PRKAB1: variants seen among roughly 807,000 people sequenced by gnomAD.
PRKAB1 encodes the protein 5'-AMP-activated protein kinase subunit beta-1.
PRKAB1 carries 18 observed loss-of-function variants against 32.0 expected under a neutral mutation model. That is an observed-to-expected ratio of 0.56 (90% confidence interval 0.39 to 0.83). The LOEUF (loss-of-function observed/expected upper bound fraction) is 0.83. Ranked by LOEUF, PRKAB1 falls within the 40% of genes least tolerant of loss-of-function variation. The pLI is 0.00. For synonymous variants in PRKAB1, 141 were observed against 141.4 expected, an observed-to-expected ratio of 1.00 and a Z score of 0.02; for missense variants, 263 against 352.6, an observed-to-expected ratio of 0.75 and a Z score of 2.03.
At chr12:119,667,984 G>A (rs541199406), upstream of PRKAB1, 41 of 477,514 alleles carry the variant, frequency 8.6e-5, no homozygotes, top group South Asian at 1.2e-3. Flanking sequence ...TGGTGAAGCG[G>A]TTGGGAAAGT....
In PRKAB1 at chr12:119,676,598, G is replaced by C; in HGVS notation, c.594G>C (p.Glu198Asp). ...HQEPYVCKPE[E>D]RFRAPPILPP... ...AGCCCTACGTCTGCAAACCCGAAGA[G>C]CGCTTTCGGGCACCCCCTATTCTCC... Residue 198 changes from glutamate to aspartate, a missense_variant, in exon 5 of 7, where the codon GAG becomes GAC. Glu to Asp is a conservative substitution (Grantham distance 45, BLOSUM62 2). Transcript: ENST00000229328. 6.2e-7 allele frequency: 1 copy of C among 1,613,800 alleles called. No homozygotes were observed. The highest frequency in any genetic ancestry group is 8.5e-7 in the Non-Finnish European group (1 of 1,179,720).
In PRKAB1 at chr12:119,672,435, CAACTGGAGTA is replaced by C; in HGVS notation, c.299_308del (p.Trp100PhefsTer11). 6.3e-7 allele frequency: 1 copy of C among 1,597,776 alleles called. No individual in the cohort carries two copies. The highest frequency in any genetic ancestry group is 8.5e-7 in the Non-Finnish European group (1 of 1,171,428). Reference sequence around the variant, plus strand: ...AAGTTTACTTATCTGGGTCCTTCAACAACTGGAGTAAACTTCCCCTCACCAGAAGGTAATT... The same window carrying C: ...AAGTTTACTTATCTGGGTCCTTCAACAACTTCCCCTCACCAGAAGGTAATT... On this transcript the variant is annotated frameshift_variant, in exon 2 of 7. Transcript: ENST00000229328. LOFTEE classifies it high-confidence loss of function.
chr12:119,674,261 GC>G lies in PRKAB1; in HGVS notation c.418-77del. ...GCTAGCCAGGAGATGAGGCCTTCCA[GC>G]CAGGAATTCCAAGTCCTCTGAAGAA... On this transcript the variant is annotated intron_variant, in intron 3 of 6. Coordinates refer to ENST00000229328, the MANE Select transcript of PRKAB1 (RefSeq NM_006253.5). This position sits in a 1 kb window ranked among gnomAD's most constrained non-coding sequence, Gnocchi z 4.3. The G allele has an allele frequency of 8.0e-7, 1 of 1,256,262 alleles. No homozygotes were observed. Among genetic ancestry groups the G allele is most frequent in the Non-Finnish European group, 1.1e-6 (1 of 876,624 alleles). 77.8% of individuals were successfully genotyped at this position (1,256,262 alleles called of 1,614,324 possible). A position where few individuals can be genotyped will look rare whatever the true frequency, so the allele number is the denominator to read the frequency against.
Position 119,680,018 on chromosome 12 carries a change from C to A in PRKAB1, c.735+17C>A. 6.2e-7 allele frequency: 1 copy of A among 1,607,216 alleles called. No individual in the cohort carries two copies. Among genetic ancestry groups the A allele is most frequent in the Non-Finnish European group, 8.5e-7 (1 of 1,173,728 alleles). On this transcript the variant is annotated intron_variant, in intron 6 of 6. Transcript: ENST00000229328. ...TCTATCAAGGTAATGACATGTCTGT[C>A]CCCATGAGAGCTGTGTTGCCCAGTG...
rs766287573 is a variant in PRKAB1 at position 119,674,466 on chromosome 12, G to A, written c.532+12G>A. On this transcript the variant is annotated intron_variant, in intron 4 of 6. Coordinates refer to ENST00000229328, the MANE Select transcript of PRKAB1 (RefSeq NM_006253.5). The surrounding 1 kb of genome is among the most constrained non-coding windows in gnomAD (Gnocchi z 4.3). Reference sequence around the variant, plus strand: ...CTCCGATGTGTCTGGTATGAACACAGTTATTTTATACCACATGCGTGCAGG... The same window carrying A: ...CTCCGATGTGTCTGGTATGAACACAATTATTTTATACCACATGCGTGCAGG... 2 of 1,567,500 alleles carry A rather than the reference G, an allele frequency of 1.3e-6. No individual in the cohort carries two copies. Among genetic ancestry groups the A allele is most frequent in the South Asian group, 2.2e-5 (2 of 90,126 alleles).
At position 119,679,040 on chromosome 12, in the gene PRKAB1, G is replaced by A. The variant is rs1231715934; in HGVS notation, c.667-893G>A. ...ATGGTAAGCATGTTCTGCGTGTGTT[G>A]ATGAGCTTGATTTAGCCATTCCACA... On this transcript the variant is annotated intron_variant, in intron 5 of 6. Coordinates refer to ENST00000229328, the MANE Select transcript of PRKAB1 (RefSeq NM_006253.5). The surrounding 1 kb of genome is among the most constrained non-coding windows in gnomAD (Gnocchi z 4.1). 1.3e-5 allele frequency: 2 copies of A among 152,214 alleles called. No individual in the cohort carries two copies. The highest frequency in any genetic ancestry group is 6.5e-5 in the Admixed American group (1 of 15,284). 9.4% of individuals were successfully genotyped at this position (152,214 alleles called of 1,614,324 possible).
chr12:119,671,306 T>C (rs555724553), intron 1 of PRKAB1, among the ~76,000 whole-genome samples: 1 of 152,376 alleles, frequency 6.6e-6, no homozygotes, highest in East Asian at 1.9e-4. Flanking sequence ...AATACATCAT[T>C]AGGTGATTTT....
At chr12:119,669,766 G>C (rs1041736958) in intron 1 of PRKAB1, 1 of 152,020 alleles carries the variant, frequency 6.6e-6, no homozygotes, top group Non-Finnish European at 1.5e-5. Context: ...GTAGAGGTGG[G>C]GTTTCGCCAT....
In PRKAB1 at chr12:119,681,065, G is replaced by C. The variant is rs770195625; in HGVS notation, c.*740G>C. 15 of 152,566 alleles carry C rather than the reference G, an allele frequency of 9.8e-5. No individual in the cohort carries two copies. The highest frequency in any genetic ancestry group is 1.6e-4 in the Non-Finnish European group (11 of 68,062). The allele number at this position is 152,566 out of a possible 1,614,324, so 9.5% of individuals were successfully genotyped here. On this transcript the variant is annotated 3_prime_UTR_variant, in exon 7 of 7. Transcript: ENST00000229328. ...GTTCTCAGAACAGACTTTTCAACCT[G>C]CTGCCGGATTTCTCCATTCAGCTGG...
chr12:119,672,395 CG>C lies in PRKAB1; in HGVS notation c.260del (p.Gly87AlafsTer27). The C allele has an allele frequency of 2.5e-6, 4 of 1,611,364 alleles. No individual in the cohort carries two copies. Among genetic ancestry groups the C allele is most frequent in the East Asian group, 2.2e-5 (1 of 44,722 alleles). On this transcript the variant is annotated frameshift_variant, in exon 2 of 7. Coordinates refer to ENST00000229328, the MANE Select transcript of PRKAB1 (RefSeq NM_006253.5). LOFTEE classifies it high-confidence loss of function. The part of the protein sequence containing the change: ...AQARPTVFRW[T>X]GGGKEVYLSG... ...GCTCGGCCAACGGTGTTTCGATGGACGGGGGGCGGAAAGGAAGTTTACTTAT... is the reference window on the plus strand; with the variant it reads ...GCTCGGCCAACGGTGTTTCGATGGACGGGGGCGGAAAGGAAGTTTACTTAT...
Position 119,680,283 on chromosome 12 carries a change from C to G in PRKAB1, c.771C>G (p.Tyr257Ter). Residue 257 changes from tyrosine (Y) to a stop codon, truncating the protein, a stop_gained, in exon 7 of 7, where the codon TAC becomes TAG. Transcript: ENST00000229328. LOFTEE classifies it high-confidence loss of function. ...GVMVLSATHR[Y>*]KKKYVTTLLY... ...TGGTGCTCAGCGCAACCCACCGGTA[C>G]AAGAAGAAGTACGTCACCACCTTGT... 1 of 1,614,112 alleles carries G rather than the reference C, an allele frequency of 6.2e-7. No individual in the cohort carries two copies. Among genetic ancestry groups the G allele is most frequent in the African/African-American group, 1.3e-5 (1 of 75,022 alleles).
chr12:119,670,607 C>T (rs544420388), intron 1 of PRKAB1, among the ~76,000 whole-genome samples: 1 of 152,344 alleles, frequency 6.6e-6, no homozygotes, highest in South Asian at 2.1e-4. Flanking sequence ...ATCAAAACTA[C>T]TTTCTTCAGA....
In PRKAB1 at chr12:119,675,224, G is replaced by A. The variant is rs537021228; in HGVS notation, c.532+770G>A. On this transcript the variant is annotated intron_variant, in intron 4 of 6. Coordinates refer to ENST00000229328, the MANE Select transcript of PRKAB1 (RefSeq NM_006253.5). ...AAGATGCCCTGGCAGAATATCTGGC[G>A]CCCTAAGAAAACAGATTCCGTTCGT... 6.6e-5 allele frequency among the ~76,000 whole-genome samples: 10 copies of A among 152,292 alleles called. No individual in the cohort carries two copies. The East Asian group carries it at 1.5e-3, about 24-fold the overall frequency.
chr12:119,680,067 T>C, intron 6 of PRKAB1, 66 bp downstream of exon 6: 1 of 1,552,372 alleles, frequency 6.4e-7, no homozygotes, highest in Admixed American at 1.7e-5. Context: ...CCCCCAGCAG[T>C]GGAATGACCT....
In PRKAB1 at chr12:119,674,335, C is replaced by A; in HGVS notation, c.418-5C>A. 1.2e-6 allele frequency: 2 copies of A among 1,601,520 alleles called. No homozygotes were observed. Among genetic ancestry groups the A allele is most frequent in the Non-Finnish European group, 1.7e-6 (2 of 1,168,656 alleles). ...TATGATTTCTGCCTATCTGTCTCTT[C>A]CCAGCCCATAGTAACCAGCCAGCTT... On this transcript the variant is annotated splice_region_variant and splice_polypyrimidine_tract_variant and intron_variant, in intron 3 of 6. Coordinates refer to ENST00000229328, the MANE Select transcript of PRKAB1 (RefSeq NM_006253.5). The surrounding 1 kb of genome is among the most constrained non-coding windows in gnomAD (Gnocchi z 4.3).
Position 119,679,719 on chromosome 12 carries a change from C to A in PRKAB1, c.667-214C>A. On this transcript the variant is annotated intron_variant, in intron 5 of 6. Coordinates refer to ENST00000229328, the MANE Select transcript of PRKAB1 (RefSeq NM_006253.5). This position sits in a 1 kb window ranked among gnomAD's most constrained non-coding sequence, Gnocchi z 4.1. ...GCCTGGCCAGAGACACACACCGATGCCTCCAGCAGGCATGCAGGGAGCTCC... is the reference window on the plus strand; with the variant it reads ...GCCTGGCCAGAGACACACACCGATGACTCCAGCAGGCATGCAGGGAGCTCC... 1.8e-6 allele frequency: 1 copy of A among 561,416 alleles called. No homozygotes were observed. Among genetic ancestry groups the A allele is most frequent in the Non-Finnish European group, 3.2e-6 (1 of 309,842 alleles). 34.8% of individuals were successfully genotyped at this position (561,416 alleles called of 1,614,324 possible). A position where few individuals can be genotyped will look rare whatever the true frequency, so the allele number is the denominator to read the frequency against.
At chr12:119,677,106 T>C (rs1031604922) in intron 5 of PRKAB1, among the ~76,000 whole-genome samples, 12 of 152,260 alleles carry the variant, frequency 7.9e-5, no homozygotes, top group African/African-American at 2.4e-4. Context: ...AATTATTACA[T>C]GCAGAAAAGA....
intron 1 of PRKAB1, among the ~76,000 whole-genome samples, chr12:119,672,009 A>G (rs1044640922): frequency 3.9e-5 from 6 of 152,202 alleles, no homozygotes; most frequent in Non-Finnish European, 7.3e-5. Flanking sequence ...AGTGTGTTTC[A>G]TAGCTTCTTC....
chr12:119,668,474 C>G (rs188876473), intron 1 of PRKAB1, 71 bp downstream of exon 1: 1 of 1,554,186 alleles, frequency 6.4e-7, no homozygotes, highest in African/African-American at 1.4e-5. Flanking sequence ...ACTAGATTCC[C>G]GTCACATCCT....
Sources: gnomAD v4.1 joint callset for allele counts (sites outside exome capture counted in the v4.1 genomes callset) on GRCh38, gnomAD v4.1.1 for gene constraint, Gnocchi (gnomAD v3.1) non-coding constraint, MANE v1.5 for transcripts, NCBI Gene and HGNC (gene_info 2026-07-23, HGNC 2026-07-21) for gene names.